ESRRG: variants seen among roughly 807,000 people sequenced by gnomAD.
ESRRG encodes the protein estrogen-related receptor gamma.
In ESRRG, 13 loss-of-function variants were observed where a neutral mutation model predicts 44.0. The ratio of observed to expected loss-of-function variants is 0.30; its 90% CI spans 0.19 to 0.47. The LOEUF (loss-of-function observed/expected upper bound fraction) is 0.47, where lower values mean the gene tolerates loss of function less well. Ranked by LOEUF, ESRRG falls within the 20% of genes least tolerant of loss-of-function variation. The pLI is 1.00. For missense variants in ESRRG, 395 were observed against 580.6 expected, an observed-to-expected ratio of 0.68 and a Z score of 3.29; for synonymous variants, 215 against 214.6, an observed-to-expected ratio of 1.00 and a Z score of -0.02.
chr1:217,068,512 T>A (rs536950848), intron 1 of ESRRG, among the ~76,000 whole-genome samples: 1 of 152,264 alleles, frequency 6.6e-6, no homozygotes, highest in East Asian at 1.9e-4. Flanking sequence ...CAATCTCTAG[T>A]CTTCGGCTAT....
chr1:216,547,253 T>TTGATGA (rs55716294), intron 5 of ESRRG, among the ~76,000 whole-genome samples: 32,658 of 150,774 alleles, frequency 0.22, 3,983 homozygotes, highest in Non-Finnish European at 0.27. Flanking sequence ...GTTGATGTTG[T>TTGATGA]TGATGATGAT....
Position 216,833,023 on chromosome 1 carries a change from A to AT in ESRRG, c.-14+106558dup, listed in dbSNP as rs528723153. 4.1e-3 allele frequency among the ~76,000 whole-genome samples: 568 copies of AT among 139,944 alleles called. 2 individuals carry two copies. Among genetic ancestry groups the AT allele is most frequent in the African/African-American group, 0.012 (448 of 36,408 alleles). 91.8% of individuals were successfully genotyped at this position (139,944 alleles called of 152,430 possible). ...CCATCATGCTTTGTAAATTAATTTT[A>AT]TTTTTTTTTCTCTGTAGGACACCCA... On this transcript the variant is annotated intron_variant, in intron 2 of 7. Coordinates refer to the ESRRG transcript ENST00000359162.
chr1:217,018,571 A>C (rs2079799390), intron 1 of ESRRG, among the ~76,000 whole-genome samples: 1 of 152,128 alleles, frequency 6.6e-6, no homozygotes, highest in Non-Finnish European at 1.5e-5. Context: ...CACAAAGCCC[A>C]TATTTCAGTC....
chr1:216,778,847 A>G (rs536390325), intron 2 of ESRRG, among the ~76,000 whole-genome samples: 1 of 151,768 alleles, frequency 6.6e-6, no homozygotes, highest in Non-Finnish European at 1.5e-5. Context: ...CATTACTAAC[A>G]TCTGATAAAC....
intron 2 of ESRRG, among the ~76,000 whole-genome samples, chr1:216,837,031 G>A (rs143167927): frequency 6.6e-6 from 1 of 152,126 alleles, no homozygotes; most frequent in African/African-American, 2.4e-5. Flanking sequence ...CATGCAACCA[G>A]CTTATAATAA....
At chr1:217,105,450 A>G (rs1372956964) in intron 1 of ESRRG, among the ~76,000 whole-genome samples, 3 of 152,136 alleles carry the variant, frequency 2.0e-5, no homozygotes, top group African/African-American at 7.2e-5. Flanking sequence ...AATTGGGGAA[A>G]TCAGGATTTG....
chr1:216,563,886 G>A (rs190551699), intron 5 of ESRRG, among the ~76,000 whole-genome samples: 1 of 152,214 alleles, frequency 6.6e-6, no homozygotes, highest in African/African-American at 2.4e-5. Flanking sequence ...TTTTTAAAGT[G>A]AAAAGAAAAA....
chr1:216,849,713 T>G (rs2095812370), intron 2 of ESRRG, among the ~76,000 whole-genome samples: 1 of 152,116 alleles, frequency 6.6e-6, no homozygotes, highest in Admixed American at 6.6e-5. Flanking sequence ...AGACCCACGC[T>G]CCTCAAATAT....
intron 1 of ESRRG, among the ~76,000 whole-genome samples, chr1:216,708,760 C>G (rs2082947219): frequency 1.3e-5 from 2 of 152,166 alleles, no homozygotes; most frequent in South Asian, 4.1e-4. Flanking sequence ...AAGACACATG[C>G]ACACGTATGT....
At chr1:216,768,470 C>CTATA (rs2093208651) in intron 2 of ESRRG, among the ~76,000 whole-genome samples, 2 of 148,554 alleles carry the variant, frequency 1.3e-5, no homozygotes, top group Non-Finnish European at 3.0e-5. Flanking sequence ...ATCTATCTAT[C>CTATA]TATCTATCTA....
intron 2 of ESRRG, among the ~76,000 whole-genome samples, chr1:216,813,212 C>T (rs2095031676): frequency 6.6e-6 from 1 of 152,256 alleles, no homozygotes; most frequent in South Asian, 2.1e-4. Context: ...TGATCAGCTA[C>T]AAGTCAGAGC....
intron 1 of ESRRG, among the ~76,000 whole-genome samples, chr1:216,963,180 G>A (rs1201970531): frequency 6.6e-6 from 1 of 152,144 alleles, no homozygotes; most frequent in East Asian, 1.9e-4. Context: ...TATTAAAACA[G>A]ATTATCCCTG....
At chr1:216,706,751 C>T (rs2082538015) in intron 1 of ESRRG, among the ~76,000 whole-genome samples, 1 of 152,204 alleles carries the variant, frequency 6.6e-6, no homozygotes, top group Non-Finnish European at 1.5e-5. Context: ...CTTCTATAAA[C>T]TTAACTGATG....
intron 5 of ESRRG, among the ~76,000 whole-genome samples, chr1:216,519,973 T>A (rs1324213644): frequency 6.6e-6 from 1 of 152,116 alleles, no homozygotes; most frequent in Non-Finnish European, 1.5e-5. Context: ...TAGGTGAGCC[T>A]TCTTAATTGG....
chr1:217,004,836 A>C (rs2077513293), intron 1 of ESRRG, among the ~76,000 whole-genome samples: 1 of 152,208 alleles, frequency 6.6e-6, no homozygotes, highest in African/African-American at 2.4e-5. Flanking sequence ...AGCTGCCATG[A>C]TAAATGGTAT....
At chr1:216,546,464 T>C (rs888229145) in intron 5 of ESRRG, among the ~76,000 whole-genome samples, 2 of 152,052 alleles carry the variant, frequency 1.3e-5, no homozygotes, top group African/African-American at 2.4e-5. Flanking sequence ...GCCGGCTTCA[T>C]GGGCGTGCAA....
intron 1 of ESRRG, among the ~76,000 whole-genome samples, chr1:217,052,161 T>A (rs2086170729): frequency 6.6e-6 from 1 of 152,192 alleles, no homozygotes; most frequent in African/African-American, 2.4e-5. Flanking sequence ...TCGATCAGAA[T>A]GATTTCAAGA....
intron 2 of ESRRG, among the ~76,000 whole-genome samples, chr1:216,842,288 C>G (rs2095665428): frequency 6.6e-6 from 1 of 152,008 alleles, no homozygotes; most frequent in African/African-American, 2.4e-5. Flanking sequence ...TTAAGAGAAC[C>G]CTGGTTCGTA....
chr1:216,607,518 C>A (rs1367124643), intron 3 of ESRRG, among the ~76,000 whole-genome samples: 1 of 152,200 alleles, frequency 6.6e-6, no homozygotes, highest in East Asian at 1.9e-4. Context: ...ACAGCATCAA[C>A]TCCGTGTGTG....
Sources: gnomAD v4.1 joint callset for allele counts (sites outside exome capture counted in the v4.1 genomes callset) on GRCh38, gnomAD v4.1.1 for gene constraint, MANE v1.5 for transcripts, NCBI Gene and HGNC (gene_info 2026-07-23, HGNC 2026-07-21) for gene names.